YBX3: variants seen among roughly 807,000 people sequenced by gnomAD.
YBX3 encodes Y-box-binding protein 3.
A neutral mutation model predicts 42.4 loss-of-function variants in YBX3; 29 were observed. The observed-to-expected ratio is 0.68, with a 90% CI of 0.51 to 0.93. The LOEUF is 0.93. Among genes scored for constraint, YBX3 ranks in the 40% least tolerant of loss-of-function variants. The pLI, the probability that YBX3 is intolerant of heterozygous loss-of-function variation, is 0.00. For synonymous variants in YBX3, 195 were observed against 189.8 expected (o/e 1.03, Z -0.22); for missense variants, 517 against 527.5 (o/e 0.98, Z 0.19).
chr12:10,717,429 T>C (rs1591582854), intron 3 of YBX3, among the ~76,000 whole-genome samples: 1 of 152,336 alleles, frequency 6.6e-6, no homozygotes, highest in African/African-American at 2.4e-5. Flanking sequence ...AAAGGAAGTC[T>C]AGGACATATT....
intron 1 of YBX3, 44 bp downstream of exon 1, chr12:10,722,805 GC>G: frequency 7.2e-7 from 1 of 1,384,602 alleles, no homozygotes; most frequent in South Asian, 1.8e-5. Flanking sequence ...GGCCGGCTGG[GC>G]CCGCCCCACT....
In YBX3 at chr12:10,701,254, C is replaced by T. The variant is rs577640388; in HGVS notation, c.*34G>A. ...AAGACTGGGCTGCCCCAGCTCTTAC[C>T]TGCCGATGGTGAAGGTGCCTGAGGA... On this transcript the variant is annotated splice_region_variant and 3_prime_UTR_variant, in exon 9 of 10. Coordinates refer to ENST00000228251, the MANE Select transcript of YBX3 (RefSeq NM_003651.5). The T allele has an allele frequency of 6.4e-6, 5 of 777,736 alleles. No individual in the cohort carries two copies. The allele number at this position is 777,736 out of a possible 1,614,324, so 48.2% of individuals were successfully genotyped here. A position where few individuals can be genotyped will look rare whatever the true frequency, so the allele number is the denominator to read the frequency against.
chr12:10,709,996 T>G lies in YBX3; in HGVS notation c.692A>C (p.Gln231Pro), dbSNP rs144215756. ...NQLRRPQYRP[Q>P]YRQRRFPPYH... is the part of the protein sequence containing the mutation. The stretch of plus-strand genomic sequence containing the variant: ...AGGCGGGAACCGCCGCTGCCGGTAC[T>G]GAGGGCGATACTGGGGGCGGCGCAG... The change falls in exon 6 of 10, where the codon CAG becomes CCG. Residue 231 changes from glutamine to proline, a missense_variant. This residue lies in a region of YBX3 where 420 missense variants were observed against 408.5 expected (regional missense o/e 1.03). Transcript: ENST00000228251. The G allele has an allele frequency of 5.2e-3, 8,423 of 1,614,208 alleles. 16 individuals are homozygous for G. The highest frequency in any genetic ancestry group is 6.6e-3 in the Non-Finnish European group (7,783 of 1,180,010).
intron 5 of YBX3, chr12:10,710,828 A>G (rs539561658): frequency 5.7e-6 from 1 of 174,354 alleles, no homozygotes; most frequent in East Asian, 1.8e-4. Flanking sequence ...TTCAATTTAA[A>G]TATTTTTTTT....
At chr12:10,700,693 A>T (rs1565584322) in intron 9 of YBX3, among the ~76,000 whole-genome samples, 1 of 152,112 alleles carries the variant, frequency 6.6e-6, no homozygotes, top group Non-Finnish European at 1.5e-5. Context: ...TAGTATCCTA[A>T]TTTTTACCAG....
intron 4 of YBX3, 96 bp downstream of exon 4, chr12:10,715,598 C>T (rs960086078): frequency 8.4e-7 from 1 of 1,196,484 alleles, no homozygotes. Flanking sequence ...ACAAAAATTC[C>T]AAAGTCATGT....
At chr12:10,719,223 T>G (rs1362377915) in intron 1 of YBX3, 80 bp from the exon 2 acceptor site, 3 of 1,237,216 alleles carry the variant, frequency 2.4e-6, no homozygotes, top group Admixed American at 4.1e-5. Context: ...TTGATAACAT[T>G]AGACAAAGCC....
intron 8 of YBX3, 21 bp downstream of exon 8, chr12:10,701,939 G>A (rs373361738): frequency 1.7e-5 from 28 of 1,605,888 alleles, no homozygotes; most frequent in Admixed American, 1.2e-4. Flanking sequence ...GGCAACATCC[G>A]CCCTGACTGG....
chr12:10,709,695 T>C (rs1481421882), intron 6 of YBX3, among the ~76,000 whole-genome samples: 2 of 152,342 alleles, frequency 1.3e-5, no homozygotes, highest in Middle Eastern at 3.4e-3. Flanking sequence ...GGTTCCCTAT[T>C]ATAGGCATGG....
At chr12:10,712,058 T>C (rs1434654619) in intron 5 of YBX3, 2 of 152,214 alleles carry the variant, frequency 1.3e-5, no homozygotes, top group African/African-American at 2.4e-5. Flanking sequence ...CTAAGGAATC[T>C]GACAGAATTA....
Position 10,700,055 on chromosome 12 carries a change from T to C in YBX3, c.*35-401A>G, listed in dbSNP as rs534287937. Among the ~76,000 whole-genome samples the C allele has an allele frequency of 1.8e-4, 28 of 152,332 alleles. No homozygotes were observed. In the South Asian group the frequency reaches 5.6e-3, roughly 30 times the overall value. The stretch of plus-strand genomic sequence containing the variant: ...TATTTTTTCCCAATATTTAAAATTA[T>C]TTCCTTAGAAACAATACCTAGAAAT... On this transcript the variant is annotated intron_variant, in intron 9 of 9. Transcript: ENST00000228251.
Position 10,723,154 on chromosome 12 carries a change from T to C in YBX3, c.-43A>G, listed in dbSNP as rs1486968489. 2.5e-6 allele frequency: 3 copies of C among 1,187,160 alleles called. No homozygotes were observed. Among genetic ancestry groups the C allele is most frequent in the Non-Finnish European group, 2.1e-6 (2 of 959,588 alleles). The allele number at this position is 1,187,160 out of a possible 1,614,324, so 73.5% of individuals were successfully genotyped here. On this transcript the variant is annotated 5_prime_UTR_variant, in exon 1 of 10. Transcript: ENST00000228251. ...TCTCGCTCAGGCGCCTCGGTGGCGG[T>C]TGGTCGGCGGTTAGCGCGGCTGGTG...
chr12:10,720,678 A>C (rs144418484), intron 1 of YBX3: 109 of 152,330 alleles, frequency 7.2e-4, no homozygotes, highest in African/African-American at 2.5e-3. Context: ...ACCTGGGAAA[A>C]TATAAAGACT....
At chr12:10,717,343 T>C (rs1948274260) in intron 3 of YBX3, among the ~76,000 whole-genome samples, 1 of 152,212 alleles carries the variant, frequency 6.6e-6, no homozygotes, top group African/African-American at 2.4e-5. Flanking sequence ...AGAACGCATA[T>C]TTCAGACAAT....
chr12:10,711,958 A>G (rs917468705), intron 5 of YBX3: 1 of 152,236 alleles, frequency 6.6e-6, no homozygotes, highest in African/African-American at 2.4e-5. Context: ...GATGTAGGAA[A>G]TGCTACAGCA....
At chr12:10,718,488 CCT>C (rs1948288351) in intron 2 of YBX3, 2 of 192,246 alleles carry the variant, frequency 1.0e-5, no homozygotes, top group Non-Finnish European at 2.1e-5. Context: ...ACTAGGCTCT[CCT>C]TACACTGAAA....
At chr12:10,722,672 G>A (rs1213646108) in intron 1 of YBX3, among the ~76,000 whole-genome samples, 178 bp downstream of exon 1, 2 of 152,216 alleles carry the variant, frequency 1.3e-5, no homozygotes, top group Admixed American at 1.3e-4. Flanking sequence ...CGCCGGCAAG[G>A]GAGGCGGCCA....
chr12:10,710,506 A>G (rs1333859250), intron 5 of YBX3: 5 of 1,186,154 alleles, frequency 4.2e-6, no homozygotes, highest in East Asian at 6.3e-5. Context: ...AAAAGCCAAA[A>G]AAGAATACAT....
chr12:10,718,996 T>C, intron 2 of YBX3, 84 bp downstream of exon 2: 1 of 1,294,972 alleles, frequency 7.7e-7, no homozygotes, highest in Non-Finnish European at 1.1e-6. Context: ...ATATAAGCCA[T>C]TAATGAAGGC....
Sources: gnomAD v4.1 joint callset for allele counts (sites outside exome capture counted in the v4.1 genomes callset) on GRCh38, gnomAD v4.1.1 for gene constraint, gnomAD v4.1.1 regional missense constraint, MANE v1.5 for transcripts, NCBI Gene and HGNC (gene_info 2026-07-23, HGNC 2026-07-21) for gene names.